Variants in MARCHF1 observed in about 807,000 individuals in gnomAD.
MARCHF1 encodes membrane associated ring-CH-type finger 1.
MARCHF1 carries 40 observed loss-of-function variants against 54.2 expected under a neutral mutation model. That is an observed-to-expected ratio of 0.74 (90% CI 0.57 to 0.96). The LOEUF (loss-of-function observed/expected upper bound fraction) is 0.96. MARCHF1 is among the 40% of genes least tolerant of loss of function. MARCHF1 has a pLI of 0.00. For missense variants in MARCHF1, 586 were observed against 656.5 expected, an observed-to-expected ratio of 0.89 and a Z score of 1.17; for synonymous variants, 236 against 236.3, an observed-to-expected ratio of 1.00 and a Z score of 0.01.
intron 5 of MARCHF1, among the ~76,000 whole-genome samples, chr4:163,700,068 A>G (rs1307816643): frequency 6.6e-6 from 1 of 152,112 alleles, no homozygotes; most frequent in Non-Finnish European, 1.5e-5. Context: ...AAATAGTTAA[A>G]TTCCCCCAGA....
intron 4 of MARCHF1, among the ~76,000 whole-genome samples, chr4:163,746,412 G>A (rs968146820): frequency 5.9e-5 from 9 of 152,064 alleles, no homozygotes; most frequent in African/African-American, 2.2e-4. Flanking sequence ...TTCACCCAGC[G>A]GGGACATTTG....
At position 163,567,821 on chromosome 4, in the gene MARCHF1, T is replaced by A. The variant is rs892315784; in HGVS notation, c.1191+17928A>T. Among the ~76,000 whole-genome samples the A allele has an allele frequency of 2.7e-5, 4 of 150,166 alleles. No homozygotes were observed. The East Asian group carries it at 7.7e-4, about 29-fold the overall frequency. ...AACAGACTAATACACAAGACTTGAT[T>A]TTTTTTTTATTTTTATTTTTTGAGA... On this transcript the variant is annotated intron_variant, in intron 8 of 9. Transcript: ENST00000514618.
chr4:163,733,203 A>ACATACACATG lies in MARCHF1; in HGVS notation c.112-32341_112-32340insCATGTGTATG, dbSNP rs1467744167. ...TATATATATATATATATATATATATATATATATATATATATATACACGTGT... is the reference window on the plus strand; with the variant it reads ...TATATATATATATATATATATATATACATACACATGTATATATATATATATATACACGTGT... On this transcript the variant is annotated intron_variant, in intron 4 of 9. Transcript: ENST00000514618. Among the ~76,000 whole-genome samples the ACATACACATG allele has an allele frequency of 4.0e-3, 151 of 37,872 alleles. 7 individuals are homozygous for ACATACACATG. Among genetic ancestry groups the ACATACACATG allele is most frequent in the African/African-American group, 7.3e-3 (103 of 14,154 alleles). 24.8% of individuals were successfully genotyped at this position (37,872 alleles called of 152,430 possible).
chr4:163,706,436 T>C (rs1579212431), intron 4 of MARCHF1, among the ~76,000 whole-genome samples: 1 of 152,092 alleles, frequency 6.6e-6, no homozygotes, highest in South Asian at 2.1e-4. Flanking sequence ...GTGTCTATCC[T>C]AATGGAAACA....
intron 2 of MARCHF1, among the ~76,000 whole-genome samples, chr4:164,040,408 A>G (rs1439130814): frequency 6.9e-6 from 1 of 144,654 alleles, no homozygotes; most frequent in Non-Finnish European, 1.5e-5. Context: ...ATTCATATAT[A>G]CTTATATATC....
chr4:163,965,380 C>T (rs546492757), intron 3 of MARCHF1, among the ~76,000 whole-genome samples: 84 of 152,128 alleles, frequency 5.5e-4, no homozygotes, highest in African/African-American at 1.8e-3. Flanking sequence ...ACGCTCTACA[C>T]AGTAAGACTA....
At chr4:163,715,633 A>C (rs1001764255) in intron 4 of MARCHF1, among the ~76,000 whole-genome samples, 8 of 152,186 alleles carry the variant, frequency 5.3e-5, no homozygotes, top group Non-Finnish European at 1.2e-4. Context: ...ATCTCAGTGG[A>C]AATTACTGAG....
At chr4:163,811,120 A>C (rs1449022889) in intron 4 of MARCHF1, among the ~76,000 whole-genome samples, 1 of 152,088 alleles carries the variant, frequency 6.6e-6, no homozygotes, top group African/African-American at 2.4e-5. Flanking sequence ...TCATCTGTTC[A>C]TATCTGGAGC....
intron 5 of MARCHF1, among the ~76,000 whole-genome samples, chr4:163,617,514 T>A (rs1200734085): frequency 6.6e-6 from 1 of 152,140 alleles, no homozygotes; most frequent in East Asian, 1.9e-4. Context: ...TATTACACAT[T>A]AAGTAAAAAT....
At chr4:164,309,996 T>A (rs1194454216) in intron 1 of MARCHF1, among the ~76,000 whole-genome samples, 1 of 151,454 alleles carries the variant, frequency 6.6e-6, no homozygotes, top group Non-Finnish European at 1.5e-5. Flanking sequence ...TTTTTTTAAT[T>A]AAAAAAAAAT....
At chr4:163,829,570 C>T (rs997991420) in intron 4 of MARCHF1, among the ~76,000 whole-genome samples, 1 of 152,120 alleles carries the variant, frequency 6.6e-6, no homozygotes, top group African/African-American at 2.4e-5. Flanking sequence ...CACACAGTAT[C>T]CCTCTCCCTG....
At chr4:164,171,838 G>T (rs1318797202) in intron 1 of MARCHF1, among the ~76,000 whole-genome samples, 1 of 152,150 alleles carries the variant, frequency 6.6e-6, no homozygotes, top group Non-Finnish European at 1.5e-5. Flanking sequence ...GAAATCTAAG[G>T]TTAAGGAAAC....
At chr4:164,019,987 G>A (rs116576653) in intron 2 of MARCHF1, among the ~76,000 whole-genome samples, 2,505 of 152,232 alleles carry the variant, frequency 0.016, 48 homozygotes, top group Non-Finnish European at 0.027. Context: ...TAATTCAAAA[G>A]TCCTCCCATA....
In MARCHF1 at chr4:163,531,287, C is replaced by A. The variant is rs570934298; in HGVS notation, c.1340-2241G>T. ...GTATAAAAACAGTTACACACTACAGCCAATAGAGATTTATTCTAGGTATGC... is the reference window on the plus strand; with the variant it reads ...GTATAAAAACAGTTACACACTACAGACAATAGAGATTTATTCTAGGTATGC... On this transcript the variant is annotated intron_variant, in intron 9 of 9. Coordinates refer to ENST00000514618, the MANE Select transcript of MARCHF1 (RefSeq NM_001394959.1). 1.7e-4 allele frequency among the ~76,000 whole-genome samples: 26 copies of A among 151,892 alleles called. No individual in the cohort carries two copies. In the South Asian group the frequency reaches 5.0e-3, roughly 29 times the overall value.
intron 3 of MARCHF1, among the ~76,000 whole-genome samples, chr4:163,887,046 T>C (rs1183664374): frequency 6.6e-6 from 1 of 152,138 alleles, no homozygotes; most frequent in Non-Finnish European, 1.5e-5. Context: ...AAGCTTATTA[T>C]TTAATCAACA....
chr4:163,900,145 T>C (rs1369491174), intron 3 of MARCHF1, among the ~76,000 whole-genome samples: 2 of 152,138 alleles, frequency 1.3e-5, no homozygotes, highest in Non-Finnish European at 2.9e-5. Flanking sequence ...TTATCCATTC[T>C]CACTGGAATA....
At chr4:164,097,184 A>C (rs1206208261) in intron 2 of MARCHF1, among the ~76,000 whole-genome samples, 1 of 152,184 alleles carries the variant, frequency 6.6e-6, no homozygotes, top group Non-Finnish European at 1.5e-5. Flanking sequence ...CTTACTGCCT[A>C]AAATAAGTGT....
chr4:163,928,243 C>G (rs1751581213), intron 3 of MARCHF1, among the ~76,000 whole-genome samples: 1 of 151,696 alleles, frequency 6.6e-6, no homozygotes, highest in African/African-American at 2.4e-5. Flanking sequence ...TATCTATATG[C>G]CAATTATTCT....
At chr4:163,863,996 A>G (rs1387337747) in intron 3 of MARCHF1, among the ~76,000 whole-genome samples, 1 of 152,022 alleles carries the variant, frequency 6.6e-6, no homozygotes, top group Non-Finnish European at 1.5e-5. Flanking sequence ...TATAACATAA[A>G]CACCCACAAG....
Sources: allele counts gnomAD v4.1 joint callset (sites outside exome capture counted in the v4.1 genomes callset), GRCh38; gene constraint gnomAD v4.1.1; transcripts MANE v1.5; gene names NCBI Gene and HGNC (gene_info 2026-07-23, HGNC 2026-07-21).